SPART: variants seen among roughly 807,000 people sequenced by gnomAD.
SPART encodes the protein spastic paraplegia 20 (Troyer syndrome).
In SPART, 35 loss-of-function variants were observed where a neutral mutation model predicts 58.7. The observed-to-expected ratio is 0.60, with a 90% confidence interval of 0.46 to 0.79. The LOEUF (loss-of-function observed/expected upper bound fraction) is 0.79, where lower values mean the gene tolerates loss of function less well. SPART is among the 30% of genes least tolerant of loss of function. The pLI is 0.00. For missense variants in SPART, 730 were observed against 786.1 expected (o/e 0.93, Z 0.85); for synonymous variants, 284 against 280.7 (o/e 1.01, Z -0.12).
intron 1 of SPART, among the ~76,000 whole-genome samples, chr13:36,363,933 G>A (rs958437714): frequency 1.3e-5 from 2 of 152,094 alleles, no homozygotes; most frequent in East Asian, 3.8e-4. Context: ...GCATTGGTAT[G>A]TATTATTAAC....
intron 1 of SPART, among the ~76,000 whole-genome samples, chr13:36,338,971 ACACT>A (rs1224428762): frequency 6.6e-6 from 1 of 152,154 alleles, no homozygotes; most frequent in Non-Finnish European, 1.5e-5. Flanking sequence ...TCACACGCAC[ACACT>A]CACACACAGA....
chr13:36,325,385 A>T (rs1238561520), intron 5 of SPART, among the ~76,000 whole-genome samples: 1 of 152,162 alleles, frequency 6.6e-6, no homozygotes, highest in Non-Finnish European at 1.5e-5. Context: ...GTTCTTTGGC[A>T]CTAGGAAAAG....
rs577809925 is a variant in SPART, at chr13:36,321,771, C to G, written c.1288+4804G>C. On this transcript the variant is annotated intron_variant, in intron 5 of 8. Coordinates refer to ENST00000438666, the MANE Select transcript of SPART (RefSeq NM_015087.5). Reference sequence around the variant, plus strand: ...GGCCTCTGAGCCCAAGCCAAGCCATCGCGTCCCCTGTGACTTGCACATATA... The same window carrying G: ...GGCCTCTGAGCCCAAGCCAAGCCATGGCGTCCCCTGTGACTTGCACATATA... Among the ~76,000 whole-genome samples the G allele has an allele frequency of 2.6e-5, 4 of 152,292 alleles. No homozygotes were observed. In the East Asian group the frequency reaches 5.8e-4, roughly 22 times the overall value.
At chr13:36,321,604 C>T (rs1377981962) in intron 5 of SPART, among the ~76,000 whole-genome samples, 2 of 152,072 alleles carry the variant, frequency 1.3e-5, no homozygotes, top group African/African-American at 2.4e-5. Context: ...GTTCCCACGC[C>T]GCCCCTAATC....
intron 5 of SPART, among the ~76,000 whole-genome samples, chr13:36,317,945 C>T (rs558658053): frequency 2.4e-4 from 37 of 152,262 alleles, no homozygotes; most frequent in African/African-American, 8.4e-4. Context: ...AGGTGCCTGA[C>T]GTCCAGGCAT....
chr13:36,315,870 AATG>A (rs1283919569), intron 5 of SPART, among the ~76,000 whole-genome samples: 3 of 152,380 alleles, frequency 2.0e-5, no homozygotes, highest in Admixed American at 1.3e-4. Flanking sequence ...GATGAAGTCA[AATG>A]ATGACTGAGA....
chr13:36,309,399 A>C (rs1326695172), intron 8 of SPART, among the ~76,000 whole-genome samples: 3 of 152,192 alleles, frequency 2.0e-5, no homozygotes, highest in African/African-American at 7.2e-5. Context: ...ACCCAAAAGA[A>C]AATAAACTGT....
intron 2 of SPART, among the ~76,000 whole-genome samples, chr13:36,332,259 A>T (rs1489039463): frequency 2.6e-5 from 4 of 152,192 alleles, no homozygotes; most frequent in African/African-American, 9.7e-5. Flanking sequence ...TGGGAGGCCA[A>T]GGAGAGGTGG....
At chr13:36,321,504 C>G (rs1882387396) in intron 5 of SPART, among the ~76,000 whole-genome samples, 1 of 152,084 alleles carries the variant, frequency 6.6e-6, no homozygotes. Flanking sequence ...CATCACCAAT[C>G]ATTCTACACG....
At chr13:36,364,871 C>T (rs1219029271) in intron 1 of SPART, among the ~76,000 whole-genome samples, 1 of 152,142 alleles carries the variant, frequency 6.6e-6, no homozygotes, top group Non-Finnish European at 1.5e-5. Flanking sequence ...TCCTATGTGA[C>T]CTCTCTGCTG....
rs866481535 is a variant in SPART, at chr13:36,333,432, T to A, written c.810+1589A>T. Among the ~76,000 whole-genome samples, 852 of 150,096 alleles carry A rather than the reference T, an allele frequency of 5.7e-3. 5 individuals are homozygous for A. Among genetic ancestry groups the A allele is most frequent in the Admixed American group, 9.5e-3 (144 of 15,118 alleles). On this transcript the variant is annotated intron_variant, in intron 2 of 8. Transcript: ENST00000438666. ...TATTTAGTTGGATTATTATTGTATT[T>A]TTTTTTTTTTTTTGGATAAAAACAT...
chr13:36,317,883 T>C (rs1434018495), intron 5 of SPART, among the ~76,000 whole-genome samples: 3 of 152,186 alleles, frequency 2.0e-5, no homozygotes, highest in Non-Finnish European at 4.4e-5. Context: ...TTTGAATTTT[T>C]CCATCCTACA....
chr13:36,339,430 C>G (rs1884347855), intron 1 of SPART, among the ~76,000 whole-genome samples: 1 of 151,266 alleles, frequency 6.6e-6, no homozygotes, highest in African/African-American at 2.4e-5. Context: ...AGGTCAGGAG[C>G]TCGAGACCAG....
chr13:36,351,152 A>T (rs1234331896), upstream of SPART, among the ~76,000 whole-genome samples: 1 of 152,098 alleles, frequency 6.6e-6, no homozygotes, highest in Non-Finnish European at 1.5e-5. Context: ...TGGTTACCTA[A>T]ATTAACTGAA....
chr13:36,308,574 A>T (rs963915196), intron 8 of SPART: 1 of 152,132 alleles, frequency 6.6e-6, no homozygotes, highest in Admixed American at 6.5e-5. Context: ...ATCTACATTA[A>T]AATCCAGTAT....
chr13:36,349,111 A>G (rs564461245), upstream of SPART, among the ~76,000 whole-genome samples: 7 of 152,100 alleles, frequency 4.6e-5, no homozygotes, highest in South Asian at 1.5e-3. Context: ...TAAAAATACA[A>G]AATTACCTGG....
chr13:36,312,111 AG>A, intron 8 of SPART, 33 bp downstream of exon 8: 1 of 1,580,398 alleles, frequency 6.3e-7, no homozygotes. Flanking sequence ...ACAACAAAAC[AG>A]AGATTTAGTC....
At chr13:36,355,625 G>A (rs1225940448) in intron 1 of SPART, among the ~76,000 whole-genome samples, 5 of 152,182 alleles carry the variant, frequency 3.3e-5, no homozygotes, top group African/African-American at 9.7e-5. Flanking sequence ...CTGTGAAAGT[G>A]TAAAATCATG....
At chr13:36,366,889 A>G (rs564237045) in intron 1 of SPART, among the ~76,000 whole-genome samples, 4 of 152,296 alleles carry the variant, frequency 2.6e-5, no homozygotes, top group South Asian at 2.1e-4. Context: ...AGAAAATTCA[A>G]TAATCAGACT....
Sources: gnomAD v4.1 joint callset for allele counts (sites outside exome capture counted in the v4.1 genomes callset) on GRCh38, gnomAD v4.1.1 for gene constraint, MANE v1.5 for transcripts, NCBI Gene and HGNC (gene_info 2026-07-23, HGNC 2026-07-21) for gene names.